The following YTHDF3 variants were observed in gnomAD, a reference collection of about 807,000 sequenced individuals.
YTHDF3 encodes YTH domain-containing family protein 3.
Under a neutral mutation model 52.5 loss-of-function variants are expected in YTHDF3, and 9 were observed. That is an observed-to-expected ratio of 0.17 (90% CI 0.10 to 0.30). The LOEUF is 0.30. YTHDF3 is among the 10% of genes least tolerant of loss of function. YTHDF3 has a pLI of 1.00. For missense variants in YTHDF3, 534 were observed against 715.0 expected (o/e 0.75, Z 2.89); for synonymous variants, 274 against 243.3 (o/e 1.13, Z -1.18).
Position 63,204,234 on chromosome 8 carries a change from G to C in YTHDF3, c.1735-5449G>C, listed in dbSNP as rs74471752. On this transcript the variant is annotated intron_variant, in intron 4 of 4. Coordinates refer to ENST00000539294, the MANE Select transcript of YTHDF3 (RefSeq NM_152758.6). ...TCTTTATTCTTGCTCTGTGATGTGA[G>C]ATATTTCTTGGATTTAATATTCTAC... Among the ~76,000 whole-genome samples the C allele has an allele frequency of 1.1e-4, 17 of 151,762 alleles. 1 individual carries two copies. In the East Asian group the frequency reaches 3.3e-3, roughly 29 times the overall value.
chr8:63,200,731 A>G (rs1809574888), intron 4 of YTHDF3, among the ~76,000 whole-genome samples: 1 of 152,208 alleles, frequency 6.6e-6, no homozygotes, highest in Non-Finnish European at 1.5e-5. Flanking sequence ...AAATTAGATT[A>G]AAGCCTTATT....
intron 4 of YTHDF3, among the ~76,000 whole-genome samples, chr8:63,191,446 A>G (rs929580047): frequency 2.0e-5 from 3 of 152,014 alleles, no homozygotes; most frequent in Admixed American, 6.6e-5. Flanking sequence ...GTTTGCTTCT[A>G]TTATCACATT....
At chr8:63,207,073 C>G (rs1006668998) in intron 4 of YTHDF3, among the ~76,000 whole-genome samples, 52 of 152,164 alleles carry the variant, frequency 3.4e-4, no homozygotes, top group Non-Finnish European at 1.2e-4. Context: ...TTCTCCTGCT[C>G]TCTTAAAAAT....
At chr8:63,169,525 A>G (rs945583337) in intron 2 of YTHDF3, 114 bp downstream of exon 2, 2 of 1,195,050 alleles carry the variant, frequency 1.7e-6, no homozygotes, top group African/African-American at 1.5e-5. Flanking sequence ...ATGTAGGATT[A>G]GGGAAAATAT....
At chr8:63,172,552 C>G (rs2129965997) in intron 2 of YTHDF3, 1 of 391,192 alleles carries the variant, frequency 2.6e-6, no homozygotes, top group Non-Finnish European at 4.5e-6. Flanking sequence ...GAAATGATTT[C>G]AAAGCACTTT....
At chr8:63,172,254 AC>A (rs890220805) in intron 2 of YTHDF3, among the ~76,000 whole-genome samples, 8 of 152,144 alleles carry the variant, frequency 5.3e-5, no homozygotes, top group Non-Finnish European at 1.2e-4. Context: ...GGTGTGCAGT[AC>A]TTTTATTTGG....
Position 63,212,182 on chromosome 8 carries a change from C to G in YTHDF3, c.*2476C>G, listed in dbSNP as rs1451667553. Reference sequence around the variant, plus strand: ...CTGGCTTGAATATTTCTTATTAAAGCTATCTTATGTGGGTATTTTATTTTG... The same window carrying G: ...CTGGCTTGAATATTTCTTATTAAAGGTATCTTATGTGGGTATTTTATTTTG... On this transcript the variant is annotated 3_prime_UTR_variant, in exon 5 of 5. Coordinates refer to ENST00000539294, the MANE Select transcript of YTHDF3 (RefSeq NM_152758.6). 1 of 152,558 alleles carries G rather than the reference C, an allele frequency of 6.6e-6. No individual in the cohort carries two copies. The highest frequency in any genetic ancestry group is 2.4e-5 in the African/African-American group (1 of 41,424). The allele number at this position is 152,558 out of a possible 1,614,324, so 9.5% of individuals were successfully genotyped here.
intron 4 of YTHDF3, among the ~76,000 whole-genome samples, chr8:63,204,710 A>G: frequency 6.6e-6 from 1 of 151,764 alleles, no homozygotes; most frequent in East Asian, 1.9e-4. Context: ...CTTTTTTCAG[A>G]TGTTCACTGC....
chr8:63,186,165 A>G lies in YTHDF3; in HGVS notation c.154A>G (p.Met52Val), dbSNP rs1201985403. 3.1e-6 allele frequency: 5 copies of G among 1,611,072 alleles called. No individual in the cohort carries two copies. Among genetic ancestry groups the G allele is most frequent in the South Asian group, 1.1e-5 (1 of 90,978 alleles). ...TTTGCAGAGTAACAGCTATCCACCA[A>G]TGTCAGATCCATACATGCCTAGTTA... is the stretch of plus-strand genomic sequence containing the variant. ...QTNQSNSYPP[M>V]SDPYMPSYYA... is the part of the protein sequence containing the mutation. Residue 52 changes from methionine (M) to valine (V), a missense_variant, in exon 4 of 5, where the codon ATG becomes GTG. This residue lies in a region of YTHDF3 where 196 missense variants were observed against 299.5 expected (regional missense o/e 0.65). Coordinates refer to ENST00000539294, the MANE Select transcript of YTHDF3 (RefSeq NM_152758.6).
At chr8:63,169,189 A>G (rs1807104150) in intron 1 of YTHDF3, 198 bp from the exon 2 acceptor site, 3 of 1,373,106 alleles carry the variant, frequency 2.2e-6, no homozygotes, top group Admixed American at 2.8e-5. Context: ...GAGCTCTGGG[A>G]GACGGATTCC....
chr8:63,182,447 T>G (rs1339997611), intron 3 of YTHDF3, among the ~76,000 whole-genome samples: 2 of 152,146 alleles, frequency 1.3e-5, no homozygotes, highest in Middle Eastern at 3.4e-3. Context: ...GTGGCTTGAT[T>G]TACTTGTTGG....
chr8:63,180,463 G>A (rs1585749073), intron 3 of YTHDF3, among the ~76,000 whole-genome samples: 2 of 150,846 alleles, frequency 1.3e-5, no homozygotes, highest in African/African-American at 4.9e-5. Flanking sequence ...GATGGCGGCC[G>A]GGCAGAGACG....
At chr8:63,199,830 T>TA (rs1225843379) in intron 4 of YTHDF3, among the ~76,000 whole-genome samples, 1 of 152,204 alleles carries the variant, frequency 6.6e-6, no homozygotes, top group Non-Finnish European at 1.5e-5. Flanking sequence ...CATACATGAA[T>TA]ACTGTTGAAG....
At chr8:63,192,544 A>G (rs1808978633) in intron 4 of YTHDF3, among the ~76,000 whole-genome samples, 1 of 152,188 alleles carries the variant, frequency 6.6e-6, no homozygotes. Flanking sequence ...CTTGCTTGTT[A>G]GCTGGTTAGC....
At chr8:63,180,129 C>A (rs1411054001) in intron 3 of YTHDF3, among the ~76,000 whole-genome samples, 1 of 151,578 alleles carries the variant, frequency 6.6e-6, no homozygotes, top group South Asian at 2.1e-4. Flanking sequence ...ATGCTCCTCA[C>A]TTCTCAAATG....
intron 4 of YTHDF3, among the ~76,000 whole-genome samples, chr8:63,207,731 G>A (rs1443375962): frequency 2.6e-5 from 4 of 152,156 alleles, no homozygotes; most frequent in African/African-American, 9.7e-5. Context: ...CCCTTAAGAA[G>A]AGTTGCATTT....
rs2129931964 is a variant in YTHDF3, at chr8:63,168,765, A to G, written c.-113A>G. ...TTTTGGGTTCTCAGCGAACGGCGGCAGCGGCGGCGGCTGGAACAATCACTC... is the reference window on the plus strand; with the variant it reads ...TTTTGGGTTCTCAGCGAACGGCGGCGGCGGCGGCGGCTGGAACAATCACTC... On this transcript the variant is annotated 5_prime_UTR_variant, in exon 1 of 5. Transcript: ENST00000539294. 9.1e-6 allele frequency: 14 copies of G among 1,545,214 alleles called. No homozygotes were observed. In the South Asian group the frequency reaches 1.1e-4, roughly 12 times the overall value.
chr8:63,211,687 A>T lies in YTHDF3; in HGVS notation c.*1981A>T, dbSNP rs143258120. 6.6e-6 allele frequency: 1 copy of T among 152,658 alleles called. No individual in the cohort carries two copies. Among genetic ancestry groups the T allele is most frequent in the East Asian group, 1.9e-4 (1 of 5,186 alleles). The allele number at this position is 152,658 out of a possible 1,614,324, so 9.5% of individuals were successfully genotyped here. A position where few individuals can be genotyped will look rare whatever the true frequency, so the allele number is the denominator to read the frequency against. ...ACGGTTTCAAACATGTTTAATTTAC[A>T]TTAGGTTTTTATGTAAGAGTGTCAT... On this transcript the variant is annotated 3_prime_UTR_variant, in exon 5 of 5. Coordinates refer to ENST00000539294, the MANE Select transcript of YTHDF3 (RefSeq NM_152758.6).
rs1231721269 is a variant in YTHDF3 at position 63,186,292 on chromosome 8, G to A, written c.281G>A (p.Ser94Asn). The A allele has an allele frequency of 1.9e-6, 3 of 1,613,998 alleles. No homozygotes were observed. The highest frequency in any genetic ancestry group is 8.5e-7 in the Non-Finnish European group (1 of 1,179,896). The change falls in exon 4 of 5, where the codon AGT becomes AAT. Residue 94 changes from serine (S) to asparagine (N), a missense_variant. Physicochemically the swap from Ser to Asn is conservative, Grantham distance 46. Transcript: ENST00000539294. ...MPYLTTYGQM[S>N]NGEHHYIPDG... ...TATCTGACAACCTATGGACAAATGA[G>A]TAATGGAGAACATCACTATATACCA...
Sources: allele counts gnomAD v4.1 joint callset (sites outside exome capture counted in the v4.1 genomes callset), GRCh38; gene constraint gnomAD v4.1.1; regional missense constraint gnomAD v4.1.1; transcripts MANE v1.5; gene names NCBI Gene and HGNC (gene_info 2026-07-23, HGNC 2026-07-21).